Variants in PTPDC1 observed in about 807,000 individuals in gnomAD.
PTPDC1 encodes the protein protein tyrosine phosphatase domain-containing protein 1.
In PTPDC1, 53 loss-of-function variants were observed where a neutral mutation model predicts 75.3. The ratio of observed to expected loss-of-function variants is 0.70; its 90% CI spans 0.56 to 0.88. The LOEUF (loss-of-function observed/expected upper bound fraction) is 0.88. Among genes scored for constraint, PTPDC1 ranks in the 40% least tolerant of loss-of-function variants. The probability of loss-of-function intolerance (pLI) is 0.00; values close to 1 mark genes in which losing one functional copy is unlikely to be tolerated. For synonymous variants in PTPDC1, 349 were observed against 366.2 expected (o/e 0.95, Z 0.54); for missense variants, 925 against 998.6 (o/e 0.93, Z 0.99).
chr9:94,074,633 C>T (rs781729314), intron 2 of PTPDC1, among the ~76,000 whole-genome samples: 15 of 152,130 alleles, frequency 9.9e-5, no homozygotes, highest in Admixed American at 8.5e-4. Context: ...ACCCCATTGA[C>T]ACCAGGGGAT....
At chr9:94,090,386 C>T (rs1417611467) in intron 4 of PTPDC1, among the ~76,000 whole-genome samples, 1 of 151,090 alleles carries the variant, frequency 6.6e-6, no homozygotes, top group Non-Finnish European at 1.5e-5. Context: ...GATCAGATAG[C>T]TGTAGATATG....
upstream of PTPDC1, among the ~76,000 whole-genome samples, chr9:94,081,496 C>T (rs1231442624): frequency 6.6e-6 from 1 of 152,110 alleles, no homozygotes; most frequent in East Asian, 1.9e-4. Flanking sequence ...TCACTGCTCT[C>T]TAGCCTGTGT....
chr9:94,034,407 C>G lies in PTPDC1; in HGVS notation c.-7+3280C>G, dbSNP rs149141973. Reference sequence around the variant, plus strand: ...ATTAGTGGAGTGTGGTAATGCAGACCTGTACTCCCAGCTACTCAGGAAGCT... The same window carrying G: ...ATTAGTGGAGTGTGGTAATGCAGACGTGTACTCCCAGCTACTCAGGAAGCT... On this transcript the variant is annotated intron_variant, in intron 1 of 9. Transcript: ENST00000375360. Among the ~76,000 whole-genome samples the G allele has an allele frequency of 2.3e-3, 349 of 152,268 alleles. 2 individuals carry two copies. The highest frequency in any genetic ancestry group is 8.0e-3 in the African/African-American group (333 of 41,552).
chr9:94,060,931 CCTT>C (rs1223193125), intron 1 of PTPDC1, among the ~76,000 whole-genome samples: 1 of 152,116 alleles, frequency 6.6e-6, no homozygotes, highest in East Asian at 1.9e-4. Flanking sequence ...AATCTCATGT[CCTT>C]CTCACGTTGC....
rs143885171 is a variant in PTPDC1, at chr9:94,085,609, G to C, written c.416+187G>C. ...CTATTGACCCTCAGTTTCTTTATCT[G>C]TAAGGTGGAAATAATAAAACCAAAA... On this transcript the variant is annotated intron_variant, in intron 2 of 8. Transcript: ENST00000620992. Among the ~76,000 whole-genome samples, 103 of 152,234 alleles carry C rather than the reference G, an allele frequency of 6.8e-4. No individual in the cohort carries two copies. The East Asian group carries it at 0.012, about 18-fold the overall frequency.
intron 2 of PTPDC1, among the ~76,000 whole-genome samples, chr9:94,075,004 T>G (rs1826638224): frequency 6.6e-6 from 1 of 152,178 alleles, no homozygotes; most frequent in Non-Finnish European, 1.5e-5. Context: ...GAGCCTGGTA[T>G]TGACTAATCC....
At chr9:94,080,059 G>T (rs553821954), upstream of PTPDC1, among the ~76,000 whole-genome samples, 35 of 152,304 alleles carry the variant, frequency 2.3e-4, no homozygotes, top group Non-Finnish European at 1.5e-5. Flanking sequence ...GGTCAGGTTG[G>T]GAGGGCTCCA....
chr9:94,107,714 T>C, intron 8 of PTPDC1, 114 bp from the exon 9 acceptor site: 1 of 522,916 alleles, frequency 1.9e-6, no homozygotes, highest in South Asian at 3.5e-5. Flanking sequence ...GTGTATTTTA[T>C]ATAGAGTTTT....
chr9:94,058,455 T>C (rs576839005), intron 1 of PTPDC1, among the ~76,000 whole-genome samples: 11 of 151,952 alleles, frequency 7.2e-5, no homozygotes, highest in Non-Finnish European at 1.6e-4. Flanking sequence ...TCCCAACACT[T>C]TGGGAGGCTG....
chr9:94,068,079 T>A (rs918207799), intron 2 of PTPDC1, among the ~76,000 whole-genome samples: 4 of 152,206 alleles, frequency 2.6e-5, no homozygotes, highest in East Asian at 3.8e-4. Flanking sequence ...AGATTTTTTT[T>A]AATTAACAAG....
intron 1 of PTPDC1, among the ~76,000 whole-genome samples, chr9:94,033,366 C>T (rs1049403025): frequency 1.3e-5 from 2 of 152,112 alleles, no homozygotes; most frequent in Non-Finnish European, 2.9e-5. Context: ...TTATCTGGAT[C>T]GTTTCACGTA....
intron 1 of PTPDC1, among the ~76,000 whole-genome samples, chr9:94,053,859 A>T (rs1825856063): frequency 6.6e-6 from 1 of 152,238 alleles, no homozygotes; most frequent in African/African-American, 2.4e-5. Flanking sequence ...CCACATAATT[A>T]TATATGTTCT....
chr9:94,033,219 A>G (rs1829760647), intron 1 of PTPDC1, among the ~76,000 whole-genome samples: 2 of 152,208 alleles, frequency 1.3e-5, no homozygotes, highest in Admixed American at 1.3e-4. Context: ...TCTTTGTTCT[A>G]AATTAAGCAG....
At chr9:94,057,223 CAT>C (rs920346574) in intron 1 of PTPDC1, among the ~76,000 whole-genome samples, 1 of 152,054 alleles carries the variant, frequency 6.6e-6, no homozygotes, top group Non-Finnish European at 1.5e-5. Context: ...GGACTACAGA[CAT>C]GTGCTACCAT....
At position 94,087,886 on chromosome 9, in the gene PTPDC1, T is replaced by C; in HGVS notation, c.472T>C (p.Tyr158His). Residue 158 changes from tyrosine (Y) to histidine (H), a missense_variant, in exon 3 of 9, where the codon TAC (tyrosine) becomes CAC (histidine). Physicochemically the swap from Tyr to His is moderately conservative, Grantham distance 83. Coordinates refer to ENST00000620992, the MANE Select transcript of PTPDC1 (RefSeq NM_001253829.2). Reference protein sequence around the residue: ...ARPSSELLEKYHIIDQFLSHG... With the variant: ...ARPSSELLEKHHIIDQFLSHG... ...CCCATCCTCTGAGCTCCTGGAGAAGTACCACATCATTGATCAGTTCCTCAG... is the reference window on the plus strand; with the variant it reads ...CCCATCCTCTGAGCTCCTGGAGAAGCACCACATCATTGATCAGTTCCTCAG... 2 of 1,613,706 alleles carry C rather than the reference T, an allele frequency of 1.2e-6. No homozygotes were observed. The highest frequency in any genetic ancestry group is 1.7e-6 in the Non-Finnish European group (2 of 1,179,612).
chr9:94,104,328 A>C lies in PTPDC1; in HGVS notation c.2253A>C (p.Thr751=). The C allele has an allele frequency of 6.2e-7, 1 of 1,613,956 alleles. No homozygotes were observed. ...CVLHCIVNLQ[T]IPVDVEEAFL... is the part of the protein sequence containing the mutation. ...TGCACTGCATAGTGAACCTGCAGAC[A>C]ATTCCCGTGGATGTGGAGGAAGCTT... is the stretch of plus-strand genomic sequence containing the variant. Residue 751 remains threonine (T), a synonymous_variant, in exon 8 of 9, where the codon ACA becomes ACC. Transcript: ENST00000620992.
intron 4 of PTPDC1, 46 bp from the exon 5 acceptor site, chr9:94,095,271 T>TTAAAAAAAAAAAA: frequency 6.7e-7 from 1 of 1,500,208 alleles, no homozygotes; most frequent in Non-Finnish European, 9.2e-7. Context: ...TGTACTTTCA[T>TTAAAAAAAAAAAA]TAATTTCCTG....
chr9:94,106,503 G>T (rs1828028771), intron 8 of PTPDC1, among the ~76,000 whole-genome samples: 1 of 152,184 alleles, frequency 6.6e-6, no homozygotes, highest in South Asian at 2.1e-4. Context: ...CTTCTGCATT[G>T]CCTCCATGAG....
intron 4 of PTPDC1, among the ~76,000 whole-genome samples, chr9:94,093,972 G>C (rs1827430363): frequency 6.6e-6 from 1 of 151,876 alleles, no homozygotes; most frequent in Non-Finnish European, 1.5e-5. Context: ...GGTTATTCTA[G>C]TAATACATTC....
Sources: gnomAD v4.1 joint callset for allele counts (sites outside exome capture counted in the v4.1 genomes callset) on GRCh38, gnomAD v4.1.1 for gene constraint, MANE v1.5 for transcripts, NCBI Gene and HGNC (gene_info 2026-07-23, HGNC 2026-07-21) for gene names.